The following AKT3 variants were observed in gnomAD, a reference collection of about 807,000 sequenced individuals.
AKT3 encodes the protein AKT serine/threonine kinase 3, also known as RAC-gamma serine/threonine-protein kinase.
AKT3 carries 15 observed loss-of-function variants against 65.3 expected under a neutral mutation model. That is an observed-to-expected ratio of 0.23 (90% confidence interval 0.15 to 0.35). AKT3 has a LOEUF of 0.35. AKT3 is among the 10% of genes least tolerant of loss of function. The pLI is 1.00. For synonymous variants in AKT3, 206 were observed against 183.8 expected, an observed-to-expected ratio of 1.12 and a Z score of -0.98; for missense variants, 243 against 576.5, an observed-to-expected ratio of 0.42 and a Z score of 5.92.
In AKT3 at chr1:243,752,822, G is replaced by A. The variant is rs191929332; in HGVS notation, c.47-57106C>T. ...CTAGTTAGTTTAACAGTACTAGTTAGTACCATTAAATCAGCTCTAATTCTA... is the reference window on the plus strand; with the variant it reads ...CTAGTTAGTTTAACAGTACTAGTTAATACCATTAAATCAGCTCTAATTCTA... On this transcript the variant is annotated intron_variant, in intron 2 of 13. Transcript: ENST00000673466. Among the ~76,000 whole-genome samples, 229 of 152,276 alleles carry A rather than the reference G, an allele frequency of 1.5e-3. 2 individuals carry two copies. Among genetic ancestry groups the A allele is most frequent in the Admixed American group, 3.9e-3 (59 of 15,286 alleles).
At chr1:243,698,186 A>G (rs1685180722) in intron 2 of AKT3, among the ~76,000 whole-genome samples, 1 of 152,032 alleles carries the variant, frequency 6.6e-6, no homozygotes, top group South Asian at 2.1e-4. Context: ...TTAGGTATTA[A>G]TTCTCCAATT....
intron 2 of AKT3, among the ~76,000 whole-genome samples, chr1:243,723,034 T>C (rs901168101): frequency 6.6e-6 from 1 of 152,262 alleles, no homozygotes; most frequent in African/African-American, 2.4e-5. Context: ...TAAAAATGAC[T>C]ATATGCTGTT....
intron 2 of AKT3, among the ~76,000 whole-genome samples, chr1:243,737,766 T>C (rs1486367842): frequency 6.6e-6 from 1 of 152,190 alleles, no homozygotes; most frequent in Non-Finnish European, 1.5e-5. Context: ...TAGAACAATA[T>C]TTTGTTATAA....
chr1:243,583,186 A>ATT, intron 8 of AKT3, among the ~76,000 whole-genome samples: 1 of 120,896 alleles, frequency 8.3e-6, no homozygotes, highest in Non-Finnish European at 1.8e-5. Context: ...ATATATATAT[A>ATT]TATATATATA....
intron 2 of AKT3, among the ~76,000 whole-genome samples, chr1:243,785,197 T>A (rs1439286576): frequency 6.6e-6 from 1 of 151,602 alleles, no homozygotes. Context: ...CAGGTGTGAG[T>A]AGCTGGGACT....
At chr1:243,785,678 G>A (rs1266440812) in intron 2 of AKT3, among the ~76,000 whole-genome samples, 1 of 152,170 alleles carries the variant, frequency 6.6e-6, no homozygotes, top group Non-Finnish European at 1.5e-5. Flanking sequence ...GTCGTAGGAT[G>A]CGTTCATATT....
At position 243,843,398 on chromosome 1, in the gene AKT3, T is replaced by C. The variant is rs1695366612; in HGVS notation, c.-112-116A>G. On this transcript the variant is annotated intron_variant, in intron 1 of 13. Transcript: ENST00000673466. ...ACTGGCCTGACCTCACATAAAAGTCTGGCTCTTCAAACTGGGGAACTTATT... is the reference window on the plus strand; with the variant it reads ...ACTGGCCTGACCTCACATAAAAGTCCGGCTCTTCAAACTGGGGAACTTATT... The C allele has an allele frequency of 4.3e-6, 5 of 1,158,308 alleles. No homozygotes were observed. The South Asian group carries it at 2.0e-4, about 46-fold the overall frequency. The allele number at this position is 1,158,308 out of a possible 1,614,324, so 71.8% of individuals were successfully genotyped here.
At chr1:243,704,928 T>C (rs150015292) in intron 2 of AKT3, among the ~76,000 whole-genome samples, 1 of 152,284 alleles carries the variant, frequency 6.6e-6, no homozygotes, top group East Asian at 1.9e-4. Flanking sequence ...ACTGAGATGT[T>C]TGTCTGCTCT....
At chr1:243,764,884 C>T (rs1300343210) in intron 2 of AKT3, among the ~76,000 whole-genome samples, 2 of 152,072 alleles carry the variant, frequency 1.3e-5, no homozygotes, top group Non-Finnish European at 2.9e-5. Flanking sequence ...TTTCAAAATT[C>T]AAAGCTTTCT....
At chr1:243,622,580 A>G (rs1287966288) in intron 6 of AKT3, among the ~76,000 whole-genome samples, 2 of 152,222 alleles carry the variant, frequency 1.3e-5, no homozygotes, top group Non-Finnish European at 1.5e-5. Context: ...ACATATATTT[A>G]TTGAAATAAT....
chr1:243,521,000 T>C (rs1387399802), intron 12 of AKT3, among the ~76,000 whole-genome samples: 2 of 152,232 alleles, frequency 1.3e-5, no homozygotes, highest in South Asian at 2.1e-4. Flanking sequence ...CATGAGTGTA[T>C]GCATGAACAC....
At chr1:243,530,982 T>C (rs902930923) in intron 12 of AKT3, among the ~76,000 whole-genome samples, 1 of 152,254 alleles carries the variant, frequency 6.6e-6, no homozygotes, top group Non-Finnish European at 1.5e-5. Context: ...CATTGTACTA[T>C]ATGTATTTTC....
chr1:243,797,257 T>C (rs1430880337), intron 2 of AKT3, among the ~76,000 whole-genome samples: 3 of 152,110 alleles, frequency 2.0e-5, no homozygotes, highest in African/African-American at 7.2e-5. Flanking sequence ...TCTCTCTCCT[T>C]TCCCCTGCCA....
At chr1:243,626,418 T>C (rs1679167259) in intron 6 of AKT3, among the ~76,000 whole-genome samples, 1 of 152,112 alleles carries the variant, frequency 6.6e-6, no homozygotes, top group South Asian at 2.1e-4. Context: ...CCCCCAACAC[T>C]GAAGGGCCCT....
chr1:243,497,735 T>C (rs1359707761), downstream of AKT3, among the ~76,000 whole-genome samples: 18 of 152,196 alleles, frequency 1.2e-4, no homozygotes, highest in Non-Finnish European at 2.5e-4. Context: ...GTGGGTGTGT[T>C]CTCTACCCAA....
chr1:243,782,177 A>C (rs1239814461), intron 2 of AKT3, among the ~76,000 whole-genome samples: 1 of 152,182 alleles, frequency 6.6e-6, no homozygotes, highest in Non-Finnish European at 1.5e-5. Context: ...AAACATGAAG[A>C]ACAAAAAGGG....
intron 9 of AKT3, among the ~76,000 whole-genome samples, chr1:243,572,133 C>A (rs1674606664): frequency 6.6e-6 from 1 of 152,128 alleles, no homozygotes; most frequent in Non-Finnish European, 1.5e-5. Flanking sequence ...TGTCGCCAAC[C>A]TAATTCATAA....
intron 13 of AKT3, among the ~76,000 whole-genome samples, chr1:243,493,500 C>T (rs536374545): frequency 5.8e-4 from 89 of 152,164 alleles, no homozygotes; most frequent in African/African-American, 2.0e-3. Flanking sequence ...GTAATGAATA[C>T]GGTTTTGGCT....
intron 2 of AKT3, among the ~76,000 whole-genome samples, chr1:243,815,776 A>AGCTGTTGTTGTTGTTGTT (rs1693475857): frequency 6.8e-6 from 1 of 147,186 alleles, no homozygotes; most frequent in Non-Finnish European, 1.5e-5. Flanking sequence ...ACACCCAGCT[A>AGCTGTTGTTGTTGTTGTT]GTTGTTGTTG....
Sources: allele counts gnomAD v4.1 joint callset (sites outside exome capture counted in the v4.1 genomes callset), GRCh38; gene constraint gnomAD v4.1.1; transcripts MANE v1.5; gene names NCBI Gene and HGNC (gene_info 2026-07-23, HGNC 2026-07-21).